Variants in COL19A1 observed in about 807,000 individuals in gnomAD.
COL19A1 encodes the protein collagen alpha-1(XIX) chain.
Under a neutral mutation model 190.2 loss-of-function variants are expected in COL19A1, and 159 were observed. The ratio of observed to expected loss-of-function variants is 0.84; its 90% CI spans 0.73 to 0.95. The LOEUF (loss-of-function observed/expected upper bound fraction) is 0.95. Ranked by LOEUF, COL19A1 falls within the 40% of genes least tolerant of loss-of-function variation. COL19A1 has a pLI of 0.00. For missense variants in COL19A1, 1,418 were observed against 1,431.9 expected (o/e 0.99, Z 0.16); for synonymous variants, 509 against 458.9 (o/e 1.11, Z -1.39).
chr6:70,064,814 C>T (rs957679232), intron 14 of COL19A1, among the ~76,000 whole-genome samples: 18 of 152,112 alleles, frequency 1.2e-4, no homozygotes, highest in Non-Finnish European at 1.3e-4. Flanking sequence ...ACACCAATAA[C>T]AAACAAACAG....
rs998304199 is a variant in COL19A1 at position 69,938,027 on chromosome 6, T to C, written c.874-11T>C. On this transcript the variant is annotated splice_polypyrimidine_tract_variant and intron_variant, in intron 8 of 50. Coordinates refer to ENST00000620364, the MANE Select transcript of COL19A1 (RefSeq NM_001858.6). ...GAATGTTTGCTAACACAGATATGCA[T>C]TTTTGCTCAGGGAGAAGCAGGATTA... 4.3e-6 allele frequency: 7 copies of C among 1,612,104 alleles called. No homozygotes were observed. The African/African-American group carries it at 8.0e-5, about 18-fold the overall frequency.
At chr6:69,898,864 T>C (rs963804303) in intron 2 of COL19A1, 84 bp from the exon 3 acceptor site, 4 of 812,766 alleles carry the variant, frequency 4.9e-6, no homozygotes, top group African/African-American at 1.7e-5. Context: ...TTTATTTCCA[T>C]TTTATCTTAA....
chr6:70,142,129 A>T (rs1184944462), intron 22 of COL19A1, 53 bp downstream of exon 22: 14 of 1,522,908 alleles, frequency 9.2e-6, no homozygotes, highest in Non-Finnish European at 1.3e-5. Flanking sequence ...AATTGTAGCC[A>T]TTCTGTGTAA....
intron 4 of COL19A1, among the ~76,000 whole-genome samples, chr6:69,925,727 G>C (rs1030851041): frequency 6.6e-6 from 1 of 152,156 alleles, no homozygotes; most frequent in Non-Finnish European, 1.5e-5. Context: ...GGCATGGAAT[G>C]TTCTTCCATT....
intron 4 of COL19A1, among the ~76,000 whole-genome samples, chr6:69,922,286 CTT>C (rs1238374504): frequency 2.6e-5 from 4 of 151,336 alleles, no homozygotes; most frequent in South Asian, 4.2e-4. Context: ...TCATTATAAA[CTT>C]AGATTAAAAT....
intron 4 of COL19A1, among the ~76,000 whole-genome samples, chr6:69,915,189 A>G (rs1582381065): frequency 6.6e-6 from 1 of 152,256 alleles, no homozygotes. Context: ...ATTACTTAAT[A>G]TACTAATAAG....
At chr6:70,031,379 G>A (rs1779064907) in intron 12 of COL19A1, among the ~76,000 whole-genome samples, 1 of 151,950 alleles carries the variant, frequency 6.6e-6, no homozygotes, top group Non-Finnish European at 1.5e-5. Flanking sequence ...ATCCTACTCT[G>A]CTATCAAACA....
intron 11 of COL19A1, among the ~76,000 whole-genome samples, chr6:69,971,056 T>C (rs1775395173): frequency 6.8e-6 from 1 of 147,116 alleles, no homozygotes. Context: ...CGTGAATAAC[T>C]CTAATTTATG....
intron 16 of COL19A1, 152 bp from the exon 17 acceptor site, chr6:70,121,728 C>A (rs534299539): frequency 4.6e-5 from 25 of 537,778 alleles, no homozygotes; most frequent in Non-Finnish European, 7.8e-5. Context: ...AAGTTAATGC[C>A]CGTGTATTTC....
rs148632040 is a variant in COL19A1 at position 69,897,700 on chromosome 6, G to A, written c.92-1248G>A. On this transcript the variant is annotated intron_variant, in intron 2 of 50. Transcript: ENST00000620364. ...GTTTTATAAAAGTGACTATTAATCCGAATCATTAATTGGTAATGTTTACAA... is the reference window on the plus strand; with the variant it reads ...GTTTTATAAAAGTGACTATTAATCCAAATCATTAATTGGTAATGTTTACAA... Among the ~76,000 whole-genome samples the A allele has an allele frequency of 5.9e-5, 9 of 152,074 alleles. No individual in the cohort carries two copies. In the East Asian group the frequency reaches 1.2e-3, roughly 20 times the overall value.
At chr6:69,889,943 G>C (rs1335344556) in intron 2 of COL19A1, 1 of 152,182 alleles carries the variant, frequency 6.6e-6, no homozygotes, top group African/African-American at 2.4e-5. Context: ...CTCACTCTTT[G>C]GGTCCACACC....
intron 11 of COL19A1, among the ~76,000 whole-genome samples, chr6:69,986,126 C>G (rs180761568): frequency 6.6e-6 from 1 of 151,028 alleles, no homozygotes. Context: ...CAAATTTTGC[C>G]GCTAATTACA....
intron 12 of COL19A1, among the ~76,000 whole-genome samples, chr6:70,024,203 T>A (rs1403088390): frequency 6.6e-6 from 1 of 152,140 alleles, no homozygotes; most frequent in Non-Finnish European, 1.5e-5. Context: ...CCCCTTCCCC[T>A]CAGGATGGTT....
Position 70,146,824 on chromosome 6 carries a change from C to T in COL19A1, c.1828C>T (p.Leu610Phe), listed in dbSNP as rs774216446. ...GPRGPKGERG[L>F]PGVHGSPGDI... ...TTTCATTTCACAGGGTGAAAGAGGA[C>T]TTCCAGGTGTTCACGGTTCCCCAGG... Residue 610 changes from leucine to phenylalanine, a missense_variant, in exon 27 of 51, where the codon CTT (leucine) becomes TTT (phenylalanine). By Grantham distance (22) the Leu-to-Phe change is conservative. Coordinates refer to ENST00000620364, the MANE Select transcript of COL19A1 (RefSeq NM_001858.6). 2 of 1,597,880 alleles carry T rather than the reference C, an allele frequency of 1.3e-6. No homozygotes were observed. The highest frequency in any genetic ancestry group is 2.7e-5 in the African/African-American group (2 of 74,166).
At chr6:69,934,372 T>C (rs1772969897) in intron 7 of COL19A1, among the ~76,000 whole-genome samples, 2 of 151,966 alleles carry the variant, frequency 1.3e-5, no homozygotes, top group South Asian at 4.1e-4. Context: ...AAATTTTGTT[T>C]TTAATTATGC....
At chr6:69,921,284 C>G (rs1771759594) in intron 4 of COL19A1, among the ~76,000 whole-genome samples, 1 of 129,140 alleles carries the variant, frequency 7.7e-6, no homozygotes, top group Non-Finnish European at 1.5e-5. Context: ...TATCATATAT[C>G]ATATATCATA....
At position 70,149,879 on chromosome 6, in the gene COL19A1, G is replaced by A; in HGVS notation, c.1958G>A (p.Gly653Glu). ...QGPRGLPGLP[G>E]TPGTPGNDGV... Reference sequence around the variant, plus strand: ...CCTCGAGGTCTCCCTGGGTTGCCAGGAACTCCAGGGACTCCAGGGAATGAT... The same window carrying A: ...CCTCGAGGTCTCCCTGGGTTGCCAGAAACTCCAGGGACTCCAGGGAATGAT... Residue 653 changes from glycine to glutamate, a missense_variant, in exon 29 of 51, where the codon GGA becomes GAA. By Grantham distance (98) the Gly-to-Glu change is moderately conservative (BLOSUM62 -2). Transcript: ENST00000620364. The A allele has an allele frequency of 6.2e-7, 1 of 1,613,684 alleles. No individual in the cohort carries two copies. Among genetic ancestry groups the A allele is most frequent in the Non-Finnish European group, 8.5e-7 (1 of 1,179,790 alleles).
rs802188 is a variant in COL19A1, at chr6:70,185,182, T to C, written c.2856+267T>C. On this transcript the variant is annotated intron_variant, in intron 46 of 50. Coordinates refer to ENST00000620364, the MANE Select transcript of COL19A1 (RefSeq NM_001858.6). ...GGAAGCTTTTATTATCCTCCTGTCT[T>C]AGACATATATCTCTACTATAACCAT... Among the ~76,000 whole-genome samples, 115,973 of 152,162 alleles carry C rather than the reference T, an allele frequency of 0.76. 45,053 individuals carry two copies. Among genetic ancestry groups the C allele is most frequent in the African/African-American group, 0.91 (37,800 of 41,538 alleles).
At position 69,958,977 on chromosome 6, in the gene COL19A1, T is replaced by C. The variant is rs536549436; in HGVS notation, c.937-1019T>C. Among the ~76,000 whole-genome samples the C allele has an allele frequency of 5.1e-4, 77 of 152,338 alleles. 1 individual carries two copies. Among genetic ancestry groups the C allele is most frequent in the African/African-American group, 1.7e-3 (69 of 41,584 alleles). ...TTATCTTATAAATTAATTGTAAATA[T>C]TTGATAGAAATAAAGCAGTTCCATG... On this transcript the variant is annotated intron_variant, in intron 9 of 50. Transcript: ENST00000620364.
Sources: allele counts gnomAD v4.1 joint callset (sites outside exome capture counted in the v4.1 genomes callset), GRCh38; gene constraint gnomAD v4.1.1; transcripts MANE v1.5; gene names NCBI Gene and HGNC (gene_info 2026-07-23, HGNC 2026-07-21).